Variants in PIKFYVE observed in about 807,000 individuals in gnomAD.
PIKFYVE encodes phosphoinositide kinase, FYVE-type zinc finger containing, also known as 1-phosphatidylinositol 3-phosphate 5-kinase.
A neutral mutation model predicts 257.9 loss-of-function variants in PIKFYVE; 122 were observed. The observed-to-expected ratio is 0.47, with a 90% CI of 0.41 to 0.55. The LOEUF (loss-of-function observed/expected upper bound fraction) is 0.55. Among genes scored for constraint, PIKFYVE ranks in the 20% least tolerant of loss-of-function variants. The pLI, the probability that PIKFYVE is intolerant of heterozygous loss-of-function variation, is 0.00. For synonymous variants in PIKFYVE, 892 were observed against 868.9 expected, an observed-to-expected ratio of 1.03 and a Z score of -0.47; for missense variants, 2,160 against 2,536.6, an observed-to-expected ratio of 0.85 and a Z score of 3.19.
rs368445914 is a variant in PIKFYVE at position 208,346,152 on chromosome 2, G to A, written c.5209+5G>A. On this transcript the variant is annotated splice_donor_5th_base_variant and intron_variant, in intron 34 of 41. Coordinates refer to ENST00000264380, the MANE Select transcript of PIKFYVE (RefSeq NM_015040.4). ...CAGAAACAGAACCACAACCAAGTAA[G>A]ATTACACATGGAGGAATATTTATAA... 7.5e-5 allele frequency: 119 copies of A among 1,586,468 alleles called. No individual in the cohort carries two copies. In the African/African-American group the frequency reaches 1.5e-3, roughly 20 times the overall value.
chr2:208,350,998 A>G (rs767943455), intron 37 of PIKFYVE, 51 bp downstream of exon 37: 4 of 1,604,438 alleles, frequency 2.5e-6, no homozygotes, highest in East Asian at 4.5e-5. Flanking sequence ...TCATCTCTTT[A>G]CCTCAGAAAA....
chr2:208,294,657 G>C (rs541242156), intron 7 of PIKFYVE, among the ~76,000 whole-genome samples: 37 of 152,212 alleles, frequency 2.4e-4, no homozygotes, highest in African/African-American at 8.4e-4. Flanking sequence ...CCTTAGGTGA[G>C]ACAGAATGGC....
At chr2:208,317,769 A>C (rs1038394849) in intron 15 of PIKFYVE, 98 bp from the exon 16 acceptor site, 7 of 1,166,154 alleles carry the variant, frequency 6.0e-6, no homozygotes, top group Admixed American at 3.5e-5. Flanking sequence ...TGATTACATA[A>C]TAGTTTAAAA....
chr2:208,328,133 AATGCGGTTGCAGTCACTTGCTCATCC>A, intron 20 of PIKFYVE, 21 bp from the exon 21 acceptor site: 1 of 1,612,206 alleles, frequency 6.2e-7, no homozygotes, highest in Non-Finnish European at 8.5e-7. Context: ...ATTGGGGTTG[AATGCGGTTGCAGTCACTTGCTCATCC>A]ATTCATTCCT....
At chr2:208,300,851 A>T in intron 8 of PIKFYVE, 86 bp from the exon 9 acceptor site, 1 of 1,544,514 alleles carries the variant, frequency 6.5e-7, no homozygotes, top group African/African-American at 1.4e-5. Flanking sequence ...GTTTCCTTTT[A>T]TGAGTCTAAA....
At chr2:208,306,776 C>CT (rs778916470) in intron 12 of PIKFYVE, among the ~76,000 whole-genome samples, 13 of 49,950 alleles carry the variant, frequency 2.6e-4, no homozygotes, top group South Asian at 1.9e-3. Context: ...GATTTCAATC[C>CT]TTTTTTTTTT....
chr2:208,348,137 C>T, intron 35 of PIKFYVE, 114 bp downstream of exon 35: 1 of 1,321,570 alleles, frequency 7.6e-7, no homozygotes, highest in Middle Eastern at 2.4e-4. Flanking sequence ...CTGGGGCATT[C>T]CCTCTGTTCT....
At chr2:208,298,448 G>A (rs1016356145) in intron 7 of PIKFYVE, among the ~76,000 whole-genome samples, 193 bp from the exon 8 acceptor site, 8 of 151,868 alleles carry the variant, frequency 5.3e-5, no homozygotes, top group Non-Finnish European at 1.0e-4. Flanking sequence ...TGCAAATATC[G>A]TACAGAGAGT....
intron 6 of PIKFYVE, 43 bp downstream of exon 6, chr2:208,285,976 T>C (rs775104426): frequency 1.3e-6 from 2 of 1,568,516 alleles, no homozygotes; most frequent in East Asian, 2.2e-5. Context: ...TTGAAAAATA[T>C]CGATAGTTGT....
Position 208,329,831 on chromosome 2 carries a change from C to G in PIKFYVE, c.3720-11C>G. The G allele has an allele frequency of 6.2e-7, 1 of 1,610,204 alleles. No individual in the cohort carries two copies. The highest frequency in any genetic ancestry group is 1.1e-5 in the South Asian group (1 of 90,972). On this transcript the variant is annotated splice_polypyrimidine_tract_variant and intron_variant, in intron 21 of 41. Transcript: ENST00000264380. ...AATTCTTATGTTTCTAAGAGGTGGT[C>G]TCTTCTTTAGGATTGTAACAATGGA...
chr2:208,315,167 ACTT>A, intron 14 of PIKFYVE, 23 bp from the exon 15 acceptor site: 1 of 1,594,148 alleles, frequency 6.3e-7, no homozygotes, highest in South Asian at 1.1e-5. Flanking sequence ...AACTATGCAA[ACTT>A]CTTTCTTATA....
chr2:208,317,524 T>C (rs1270664509), intron 15 of PIKFYVE, among the ~76,000 whole-genome samples: 1 of 152,164 alleles, frequency 6.6e-6, no homozygotes, highest in Non-Finnish European at 1.5e-5. Context: ...GTCAAAAGAT[T>C]GGACACCCCT....
chr2:208,318,033 A>G lies in PIKFYVE; in HGVS notation c.2082+92A>G, dbSNP rs540642150. 3.9e-6 allele frequency: 5 copies of G among 1,290,164 alleles called. No homozygotes were observed. The South Asian group carries it at 5.9e-5, about 15-fold the overall frequency. 79.9% of individuals were successfully genotyped at this position (1,290,164 alleles called of 1,614,324 possible). A position where few individuals can be genotyped will look rare whatever the true frequency, so the allele number is the denominator to read the frequency against. On this transcript the variant is annotated intron_variant, in intron 16 of 41. Transcript: ENST00000264380. ...GGCACCTTAGTTATGGAAGAAATGG[A>G]CAATGGACAATGAAAGGCAGCTGTG... is the stretch of plus-strand genomic sequence containing the variant.
chr2:208,327,303 C>T (rs1697037474), intron 20 of PIKFYVE, among the ~76,000 whole-genome samples: 2 of 152,110 alleles, frequency 1.3e-5, no homozygotes, highest in South Asian at 2.1e-4. Context: ...CATTAATTTA[C>T]ACATACATGT....
rs1350919419 is a variant in PIKFYVE at position 208,358,563 on chromosome 2, T to A, written c.*3258T>A. On this transcript the variant is annotated 3_prime_UTR_variant, in exon 42 of 42. Transcript: ENST00000264380. Reference sequence around the variant, plus strand: ...AATGACATTGTAAATCATAGTAGCCTCTTTTAATTTAATATGAAAAATGCC... The same window carrying A: ...AATGACATTGTAAATCATAGTAGCCACTTTTAATTTAATATGAAAAATGCC... 1 of 152,630 alleles carries A rather than the reference T, an allele frequency of 6.6e-6. No homozygotes were observed. Among genetic ancestry groups the A allele is most frequent in the Non-Finnish European group, 1.5e-5 (1 of 68,030 alleles). The allele number at this position is 152,630 out of a possible 1,614,324, so 9.5% of individuals were successfully genotyped here. A position where few individuals can be genotyped will look rare whatever the true frequency, so the allele number is the denominator to read the frequency against.
At chr2:208,333,963 T>G (rs1697846511) in intron 24 of PIKFYVE, among the ~76,000 whole-genome samples, 1 of 152,170 alleles carries the variant, frequency 6.6e-6, no homozygotes, top group African/African-American at 2.4e-5. Context: ...TCTTAACCAT[T>G]GTTTTGGCAT....
Position 208,320,906 on chromosome 2 carries a change from T to C in PIKFYVE, c.2190+547T>C, listed in dbSNP as rs1696130930. 2.0e-5 allele frequency among the ~76,000 whole-genome samples: 3 copies of C among 152,322 alleles called. No individual in the cohort carries two copies. The South Asian group carries it at 6.2e-4, about 32-fold the overall frequency. On this transcript the variant is annotated intron_variant, in intron 17 of 41. Transcript: ENST00000264380. ...CTATTTTAAGAAAGTAAAAGTGAGC[T>C]TTTGCTTGCAGGGCTCTCTCCCCAG...
In PIKFYVE at chr2:208,301,969, G is replaced by A. The variant is rs141754317; in HGVS notation, c.1209-273G>A. Among the ~76,000 whole-genome samples, 302 of 152,210 alleles carry A rather than the reference G, an allele frequency of 2.0e-3. 2 individuals carry two copies. Among genetic ancestry groups the A allele is most frequent in the African/African-American group, 6.8e-3 (284 of 41,548 alleles). ...AAATCTGTTAAGTATAGGGTTGTGC[G>A]TGCATTGAATACTCAGTCAATGCTT... On this transcript the variant is annotated intron_variant, in intron 9 of 41. Coordinates refer to ENST00000264380, the MANE Select transcript of PIKFYVE (RefSeq NM_015040.4).
At chr2:208,309,041 G>A (rs927906359) in intron 12 of PIKFYVE, among the ~76,000 whole-genome samples, 3 of 152,106 alleles carry the variant, frequency 2.0e-5, no homozygotes, top group Non-Finnish European at 2.9e-5. Flanking sequence ...TTTGTAGCTT[G>A]TTGTACAAAA....
Sources: gnomAD v4.1 joint callset for allele counts (sites outside exome capture counted in the v4.1 genomes callset) on GRCh38, gnomAD v4.1.1 for gene constraint, MANE v1.5 for transcripts, NCBI Gene and HGNC (gene_info 2026-07-23, HGNC 2026-07-21) for gene names.